DLGAP1: variants seen among roughly 807,000 people sequenced by gnomAD.
The protein encoded by DLGAP1 is DLG associated protein 1.
A neutral mutation model predicts 90.8 loss-of-function variants in DLGAP1; 11 were observed. That is an observed-to-expected ratio of 0.12 (90% CI 0.08 to 0.20). The LOEUF (loss-of-function observed/expected upper bound fraction) is 0.20, where lower values mean the gene tolerates loss of function less well. Ranked by LOEUF, DLGAP1 falls within the 10% of genes least tolerant of loss-of-function variation. DLGAP1 has a pLI of 1.00. For missense variants in DLGAP1, 1,050 were observed against 1,333.8 expected (o/e 0.79, Z 3.31); for synonymous variants, 558 against 540.7 (o/e 1.03, Z -0.44).
At chr18:4,056,274 G>A (rs1430625863) in intron 2 of DLGAP1, among the ~76,000 whole-genome samples, 1 of 152,182 alleles carries the variant, frequency 6.6e-6, no homozygotes, top group Non-Finnish European at 1.5e-5. Flanking sequence ...GCAGGCTGAT[G>A]GGTGGCCTGC....
intron 2 of DLGAP1, among the ~76,000 whole-genome samples, chr18:4,032,802 A>G (rs1411274327): frequency 6.6e-6 from 1 of 152,126 alleles, no homozygotes. Flanking sequence ...TATCTTAAGG[A>G]TTGTTCTCAA....
intron 7 of DLGAP1, among the ~76,000 whole-genome samples, chr18:3,600,771 TATAG>T (rs1323237408): frequency 8.0e-6 from 1 of 124,264 alleles, no homozygotes; most frequent in Non-Finnish European, 1.6e-5. Flanking sequence ...TATAGATATA[TATAG>T]ATATATAGAT....
intron 1 of DLGAP1, among the ~76,000 whole-genome samples, chr18:4,338,308 C>G (rs760895396): frequency 6.6e-5 from 10 of 152,156 alleles, no homozygotes; most frequent in Non-Finnish European, 1.2e-4. Context: ...AAATTGTTGT[C>G]AGTTTTGTTT....
At chr18:4,102,632 C>T (rs1196241605) in intron 2 of DLGAP1, among the ~76,000 whole-genome samples, 1 of 152,128 alleles carries the variant, frequency 6.6e-6, no homozygotes, top group African/African-American at 2.4e-5. Context: ...AATGAAGTCG[C>T]TTCCTTCATC....
At chr18:4,159,140 A>C (rs1333876648) in intron 1 of DLGAP1, among the ~76,000 whole-genome samples, 1 of 152,206 alleles carries the variant, frequency 6.6e-6, no homozygotes, top group Admixed American at 6.5e-5. Context: ...TAATGTGCAC[A>C]TAGTACCTTG....
At chr18:4,291,964 A>G (rs183823416) in intron 1 of DLGAP1, among the ~76,000 whole-genome samples, 269 of 152,280 alleles carry the variant, frequency 1.8e-3, no homozygotes, top group Admixed American at 2.7e-3. Context: ...TCTACATTAG[A>G]ATTCTCTGGG....
At chr18:3,915,980 A>G (rs950223711) in intron 3 of DLGAP1, among the ~76,000 whole-genome samples, 2 of 152,316 alleles carry the variant, frequency 1.3e-5, no homozygotes, top group East Asian at 1.9e-4. Context: ...CTACTCTACT[A>G]TAGCAAGATG....
At chr18:4,093,583 CAA>C (rs55668469) in intron 2 of DLGAP1, among the ~76,000 whole-genome samples, 18 of 149,074 alleles carry the variant, frequency 1.2e-4, no homozygotes, top group African/African-American at 2.5e-4. Context: ...AAACATTAAT[CAA>C]AAAAAAAAAG....
chr18:4,372,956 G>T (rs534359378), intron 1 of DLGAP1, among the ~76,000 whole-genome samples: 179 of 151,884 alleles, frequency 1.2e-3, no homozygotes, highest in Non-Finnish European at 2.2e-4. Flanking sequence ...AAAAAGAAAA[G>T]GTACAGATCA....
intron 1 of DLGAP1, among the ~76,000 whole-genome samples, chr18:4,269,635 TG>T (rs2079227880): frequency 6.6e-6 from 1 of 152,076 alleles, no homozygotes; most frequent in African/African-American, 2.4e-5. Flanking sequence ...ATTACAGGCG[TG>T]AGCCACCGCG....
chr18:3,761,723 G>A (rs1156936382), intron 5 of DLGAP1, among the ~76,000 whole-genome samples: 1 of 152,038 alleles, frequency 6.6e-6, no homozygotes, highest in Non-Finnish European at 1.5e-5. Context: ...ATATAGGCAT[G>A]TGCCACCACG....
intron 1 of DLGAP1, among the ~76,000 whole-genome samples, chr18:4,324,808 A>T (rs2080779267): frequency 1.4e-5 from 2 of 139,380 alleles, no homozygotes; most frequent in South Asian, 4.5e-4. Context: ...TTTTGATAAA[A>T]TTCAACATCC....
chr18:4,363,663 C>T (rs1401890969), intron 1 of DLGAP1, among the ~76,000 whole-genome samples: 1 of 152,178 alleles, frequency 6.6e-6, no homozygotes, highest in African/African-American at 2.4e-5. Context: ...AAATGCTCAC[C>T]ATCACTGGTC....
intron 1 of DLGAP1, among the ~76,000 whole-genome samples, chr18:4,351,405 T>C (rs184477974): frequency 6.6e-6 from 1 of 152,304 alleles, no homozygotes; most frequent in Non-Finnish European, 1.5e-5. Context: ...TCTAGGGTCA[T>C]ATTTGTAAGT....
At chr18:4,242,876 T>C (rs1242396829) in intron 1 of DLGAP1, among the ~76,000 whole-genome samples, 1 of 152,014 alleles carries the variant, frequency 6.6e-6, no homozygotes, top group Non-Finnish European at 1.5e-5. Context: ...GTAATACCCA[T>C]GATGAGGGCT....
intron 5 of DLGAP1, among the ~76,000 whole-genome samples, chr18:3,777,730 G>A (rs2148085446): frequency 6.6e-6 from 1 of 152,176 alleles, no homozygotes; most frequent in Non-Finnish European, 1.5e-5. Flanking sequence ...GATAAATTTG[G>A]GTCAGCAAGA....
rs374518977 is a variant in DLGAP1 at position 3,953,271 on chromosome 18, A to G, written c.-73+51845T>C. Among the ~76,000 whole-genome samples, 51 of 152,280 alleles carry G rather than the reference A, an allele frequency of 3.3e-4. 1 individual carries two copies. In the South Asian group the frequency reaches 8.9e-3, roughly 27 times the overall value. ...GTGGTGGAGTCTGGGCCTTCAGCATACCCATCACCCAAATAGTGACCATTG... is the reference window on the plus strand; with the variant it reads ...GTGGTGGAGTCTGGGCCTTCAGCATGCCCATCACCCAAATAGTGACCATTG... On this transcript the variant is annotated intron_variant, in intron 3 of 12. Transcript: ENST00000315677.
chr18:4,348,400 ATGTGTGTGTGTGTGTGTGTGTGTGTG>A (rs71160958), intron 1 of DLGAP1, among the ~76,000 whole-genome samples: 1 of 133,488 alleles, frequency 7.5e-6, no homozygotes, highest in African/African-American at 3.1e-5. Flanking sequence ...GAACTCAGGA[ATGTGTGTGTGTGTGTGTGTGTGTGTG>A]TGTGTGTGTG....
chr18:3,697,902 C>T (rs572939520), intron 7 of DLGAP1, among the ~76,000 whole-genome samples: 1 of 152,240 alleles, frequency 6.6e-6, no homozygotes, highest in East Asian at 1.9e-4. Context: ...GGATAGTTAG[C>T]TCTTCTTGTT....
Sources: allele counts gnomAD v4.1 joint callset (sites outside exome capture counted in the v4.1 genomes callset), GRCh38; gene constraint gnomAD v4.1.1; transcripts MANE v1.5; gene names NCBI Gene and HGNC (gene_info 2026-07-23, HGNC 2026-07-21).